Variants in ZCCHC7 observed in about 807,000 individuals in gnomAD.
ZCCHC7 encodes zinc finger CCHC domain-containing protein 7.
In ZCCHC7, 35 loss-of-function variants were observed where a neutral mutation model predicts 52.0. That is an observed-to-expected ratio of 0.67 (90% CI 0.51 to 0.89). The LOEUF is 0.89. ZCCHC7 is among the 40% of genes least tolerant of loss of function. The pLI, the probability that ZCCHC7 is intolerant of heterozygous loss-of-function variation, is 0.00. For missense variants in ZCCHC7, 574 were observed against 649.1 expected, an observed-to-expected ratio of 0.88 and a Z score of 1.26; for synonymous variants, 217 against 221.5, an observed-to-expected ratio of 0.98 and a Z score of 0.18.
chr9:37,249,754 A>G (rs754937139), intron 2 of ZCCHC7, among the ~76,000 whole-genome samples: 2 of 151,988 alleles, frequency 1.3e-5, no homozygotes, highest in African/African-American at 2.4e-5. Context: ...CAGCCAGTAC[A>G]TAGATTTTCT....
intron 7 of ZCCHC7, among the ~76,000 whole-genome samples, chr9:37,353,923 G>A (rs1347506310): frequency 4.6e-5 from 7 of 152,164 alleles, no homozygotes; most frequent in African/African-American, 1.7e-4. Flanking sequence ...CAAACATGCT[G>A]AATGGATCTG....
intron 7 of ZCCHC7, among the ~76,000 whole-genome samples, chr9:37,350,135 GT>G (rs34991780): frequency 0.37 from 47,539 of 129,272 alleles, 8,403 homozygotes; most frequent in African/African-American, 0.49. Flanking sequence ...TTTTTTTTTG[GT>G]TTTTTTTTTG....
intron 2 of ZCCHC7, among the ~76,000 whole-genome samples, chr9:37,180,241 CT>C (rs1442066225): frequency 6.6e-6 from 1 of 152,030 alleles, no homozygotes; most frequent in East Asian, 1.9e-4. Context: ...GCTAATTGGT[CT>C]GTTTATGTTT....
At chr9:37,120,463 C>CG, upstream of ZCCHC7, 1 of 397,866 alleles carries the variant, frequency 2.5e-6, no homozygotes, top group Admixed American at 4.4e-5. Context: ...GGCAGGTGGG[C>CG]GGGGACGGAA....
intron 2 of ZCCHC7, among the ~76,000 whole-genome samples, chr9:37,225,207 A>C (rs186052092): frequency 6.3e-4 from 96 of 152,332 alleles, no homozygotes; most frequent in African/African-American, 2.1e-3. Context: ...AAAATCAATA[A>C]ATTCAATAAC....
At chr9:37,348,053 T>G (rs1821104588) in intron 6 of ZCCHC7, among the ~76,000 whole-genome samples, 1 of 152,180 alleles carries the variant, frequency 6.6e-6, no homozygotes, top group African/African-American at 2.4e-5. Flanking sequence ...CTGTCCATGG[T>G]GATCCTGTCC....
chr9:37,155,089 A>G (rs949175252), intron 2 of ZCCHC7, among the ~76,000 whole-genome samples: 45 of 152,146 alleles, frequency 3.0e-4, no homozygotes, highest in African/African-American at 6.7e-4. Context: ...GGCGGGGTGT[A>G]GTGGCTCACA....
At chr9:37,336,625 T>C (rs1830676829) in intron 6 of ZCCHC7, among the ~76,000 whole-genome samples, 1 of 152,140 alleles carries the variant, frequency 6.6e-6, no homozygotes, top group African/African-American at 2.4e-5. Flanking sequence ...TCTTTTATAA[T>C]TTTTTTATTG....
At chr9:37,270,293 A>G (rs1166789810) in intron 2 of ZCCHC7, among the ~76,000 whole-genome samples, 2 of 152,198 alleles carry the variant, frequency 1.3e-5, no homozygotes, top group African/African-American at 4.8e-5. Context: ...GCCTTGAGAT[A>G]TCCCAATACT....
intron 2 of ZCCHC7, among the ~76,000 whole-genome samples, chr9:37,266,110 AAAC>A (rs1374589343): frequency 1.3e-5 from 2 of 152,238 alleles, no homozygotes; most frequent in African/African-American, 2.4e-5. Flanking sequence ...AATATGGTAA[AAAC>A]AACACTTTAA....
intron 6 of ZCCHC7, among the ~76,000 whole-genome samples, chr9:37,328,775 C>T (rs946004012): frequency 2.0e-5 from 3 of 151,962 alleles, no homozygotes; most frequent in Admixed American, 1.3e-4. Flanking sequence ...TAGACTCAAA[C>T]TACCTGTCTG....
At chr9:37,335,269 G>A (rs932380083) in intron 6 of ZCCHC7, among the ~76,000 whole-genome samples, 4 of 152,036 alleles carry the variant, frequency 2.6e-5, no homozygotes, top group Non-Finnish European at 5.9e-5. Context: ...TTAGAAAACT[G>A]TGCTATACAG....
At chr9:37,177,335 A>G (rs1339590852) in intron 2 of ZCCHC7, among the ~76,000 whole-genome samples, 1 of 152,002 alleles carries the variant, frequency 6.6e-6, no homozygotes, top group Non-Finnish European at 1.5e-5. Context: ...ACTCAGTCTC[A>G]ATAAATAAAT....
intron 6 of ZCCHC7, among the ~76,000 whole-genome samples, chr9:37,329,602 A>T (rs1349144111): frequency 6.6e-6 from 1 of 151,908 alleles, no homozygotes; most frequent in Non-Finnish European, 1.5e-5. Flanking sequence ...TAGCATGTTT[A>T]TGAACTTGTG....
intron 2 of ZCCHC7, among the ~76,000 whole-genome samples, chr9:37,256,031 C>T (rs962100679): frequency 6.6e-6 from 1 of 152,074 alleles, no homozygotes. Context: ...TAGTAGGTGA[C>T]GTTTTAATAA....
rs1823867462 is a variant in ZCCHC7, at chr9:37,205,676, C to A, written c.610+78734C>A. On this transcript the variant is annotated intron_variant, in intron 2 of 8. Coordinates refer to ENST00000336755, the MANE Select transcript of ZCCHC7 (RefSeq NM_032226.3). ...GAATTACAGGCACATGCGACCACAC[C>A]TGGTTAATTTTTTGTATTTTTAGTA... Among the ~76,000 whole-genome samples, 7 of 149,850 alleles carry A rather than the reference C, an allele frequency of 4.7e-5. No homozygotes were observed. In the South Asian group the frequency reaches 1.3e-3, roughly 27 times the overall value.
intron 2 of ZCCHC7, among the ~76,000 whole-genome samples, chr9:37,250,302 T>C (rs892094614): frequency 3.4e-4 from 49 of 144,982 alleles, no homozygotes; most frequent in East Asian, 7.9e-4. Context: ...TTCTCTCTCT[T>C]TTTTTTTTTT....
intron 2 of ZCCHC7, among the ~76,000 whole-genome samples, chr9:37,272,473 T>G (rs1045030743): frequency 4.2e-5 from 6 of 141,482 alleles, no homozygotes; most frequent in African/African-American, 1.6e-4. Flanking sequence ...ACCCTTTACA[T>G]GTTTCAAAGC....
intron 5 of ZCCHC7, among the ~76,000 whole-genome samples, chr9:37,320,785 T>C (rs936972416): frequency 6.6e-6 from 1 of 152,138 alleles, no homozygotes; most frequent in Non-Finnish European, 1.5e-5. Context: ...TATCAACATC[T>C]TGGGAGAAGA....
Sources: gnomAD v4.1 joint callset for allele counts (sites outside exome capture counted in the v4.1 genomes callset) on GRCh38, gnomAD v4.1.1 for gene constraint, MANE v1.5 for transcripts, NCBI Gene and HGNC (gene_info 2026-07-23, HGNC 2026-07-21) for gene names.